Variants in TRAPPC9 observed in about 807,000 individuals in gnomAD.
The protein encoded by TRAPPC9 is trafficking protein particle complex subunit 9, also known as IKK2 binding protein.
TRAPPC9 carries 83 observed loss-of-function variants against 124.0 expected under a neutral mutation model. That is an observed-to-expected ratio of 0.67 (90% CI 0.56 to 0.80). The LOEUF (loss-of-function observed/expected upper bound fraction) is 0.80, where lower values mean the gene tolerates loss of function less well. TRAPPC9 is among the 30% of genes least tolerant of loss of function. The pLI, the probability that TRAPPC9 is intolerant of heterozygous loss-of-function variation, is 0.00. For synonymous variants in TRAPPC9, 638 were observed against 617.5 expected (o/e 1.03, Z -0.49); for missense variants, 1,302 against 1,508.3 (o/e 0.86, Z 2.27).
intron 21 of TRAPPC9, among the ~76,000 whole-genome samples, chr8:139,817,811 C>T (rs187923464): frequency 4.3e-4 from 65 of 152,310 alleles, no homozygotes; most frequent in African/African-American, 1.3e-3. Context: ...TAAAGACTTT[C>T]GGGAATACCT....
At chr8:140,255,851 A>G (rs61506815) in intron 15 of TRAPPC9, among the ~76,000 whole-genome samples, 17,923 of 152,124 alleles carry the variant, frequency 0.12, 1,868 homozygotes, top group African/African-American at 0.28. Context: ...GCGCCACTAC[A>G]CTCCAGCCTG....
At chr8:140,319,172 CTTT>C (rs35283714) in intron 9 of TRAPPC9, among the ~76,000 whole-genome samples, 2 of 118,520 alleles carry the variant, frequency 1.7e-5, no homozygotes. Flanking sequence ...TTATTTTGAA[CTTT>C]TTTTTTTTTT....
chr8:139,740,518 C>T (rs1378216147), intron 21 of TRAPPC9, among the ~76,000 whole-genome samples: 1 of 152,208 alleles, frequency 6.6e-6, no homozygotes, highest in Non-Finnish European at 1.5e-5. Flanking sequence ...GTGTGTCTCA[C>T]TCAGCGCCCA....
chr8:139,790,898 G>C (rs559170215), intron 21 of TRAPPC9, among the ~76,000 whole-genome samples: 1 of 152,202 alleles, frequency 6.6e-6, no homozygotes, highest in South Asian at 2.1e-4. Flanking sequence ...GTGATTTCTC[G>C]AGAGGTCTGA....
chr8:140,268,704 T>C (rs1272621725), intron 15 of TRAPPC9, among the ~76,000 whole-genome samples: 1 of 152,166 alleles, frequency 6.6e-6, no homozygotes, highest in Non-Finnish European at 1.5e-5. Context: ...TGGCCCTATG[T>C]GCCCTGCGCA....
At chr8:140,130,526 T>C (rs1385571988) in intron 17 of TRAPPC9, among the ~76,000 whole-genome samples, 1 of 152,160 alleles carries the variant, frequency 6.6e-6, no homozygotes, top group African/African-American at 2.4e-5. Flanking sequence ...TTGAAAAATA[T>C]CAAGGTCATG....
intron 17 of TRAPPC9, among the ~76,000 whole-genome samples, chr8:140,214,768 C>T (rs2131275742): frequency 6.6e-6 from 1 of 152,278 alleles, no homozygotes; most frequent in South Asian, 2.1e-4. Flanking sequence ...GAAAGACAGT[C>T]ATGAACGTGG....
intron 17 of TRAPPC9, among the ~76,000 whole-genome samples, chr8:140,190,974 A>G (rs901482901): frequency 2.0e-5 from 3 of 152,188 alleles, no homozygotes; most frequent in Non-Finnish European, 4.4e-5. Context: ...GTCCAGGACC[A>G]AAGTCACGTC....
intron 19 of TRAPPC9, among the ~76,000 whole-genome samples, chr8:139,987,479 C>A (rs1213269359): frequency 2.6e-5 from 4 of 152,096 alleles, no homozygotes; most frequent in Non-Finnish European, 5.9e-5. Flanking sequence ...CATTCCACCA[C>A]TGATTGATAA....
chr8:140,404,605 G>C (rs557195965), intron 6 of TRAPPC9, among the ~76,000 whole-genome samples: 1 of 152,338 alleles, frequency 6.6e-6, no homozygotes, highest in South Asian at 2.1e-4. Flanking sequence ...AGATACTGCT[G>C]AGTGGGTAAA....
intron 18 of TRAPPC9, among the ~76,000 whole-genome samples, chr8:140,007,594 GT>G (rs1838845219): frequency 6.6e-6 from 1 of 152,152 alleles, no homozygotes; most frequent in Admixed American, 6.5e-5. Flanking sequence ...CCAAACATAA[GT>G]TTGAAAAGAA....
intron 17 of TRAPPC9, among the ~76,000 whole-genome samples, chr8:140,111,477 C>A (rs939641233): frequency 6.6e-6 from 1 of 152,186 alleles, no homozygotes; most frequent in African/African-American, 2.4e-5. Context: ...GCACAGAGAA[C>A]AATGTACATC....
chr8:140,152,294 A>G (rs2061556257), intron 17 of TRAPPC9, among the ~76,000 whole-genome samples: 1 of 150,614 alleles, frequency 6.6e-6, no homozygotes, highest in Non-Finnish European at 1.5e-5. Flanking sequence ...TTTCTACCAA[A>G]AAATGAGCTT....
intron 21 of TRAPPC9, among the ~76,000 whole-genome samples, chr8:139,746,203 C>G (rs1818873994): frequency 6.6e-6 from 1 of 152,244 alleles, no homozygotes; most frequent in African/African-American, 2.4e-5. Context: ...GTTCCCTGCT[C>G]TCTCATGGAA....
chr8:139,905,108 T>G (rs1458121570), intron 20 of TRAPPC9, among the ~76,000 whole-genome samples: 1 of 152,150 alleles, frequency 6.6e-6, no homozygotes, highest in Non-Finnish European at 1.5e-5. Flanking sequence ...CCAGAAAGCA[T>G]CACTGTATAG....
At chr8:139,779,011 C>T (rs1821587310) in intron 21 of TRAPPC9, among the ~76,000 whole-genome samples, 1 of 151,938 alleles carries the variant, frequency 6.6e-6, no homozygotes, top group Non-Finnish European at 1.5e-5. Context: ...TTTAATTTGC[C>T]ATTAAAAGTA....
intron 21 of TRAPPC9, among the ~76,000 whole-genome samples, chr8:139,745,674 G>T (rs1818837857): frequency 2.0e-5 from 3 of 152,218 alleles, no homozygotes; most frequent in Admixed American, 2.0e-4. Flanking sequence ...TTGCTGCCCT[G>T]GCTGGAGCCT....
intron 21 of TRAPPC9, among the ~76,000 whole-genome samples, chr8:139,784,608 C>CATATATATATATATATAT (rs34583867): frequency 1.6e-3 from 138 of 88,636 alleles, no homozygotes; most frequent in South Asian, 3.6e-3. Flanking sequence ...AAAAGACTGA[C>CATATATATATATATATAT]ATATATATAT....
chr8:140,289,173 TA>T, intron 12 of TRAPPC9, among the ~76,000 whole-genome samples: 2 of 110,586 alleles, frequency 1.8e-5, no homozygotes, highest in African/African-American at 7.5e-5. Flanking sequence ...GATATATATA[TA>T]GTGTGTGTGT....
Sources: allele counts gnomAD v4.1 joint callset (sites outside exome capture counted in the v4.1 genomes callset), GRCh38; gene constraint gnomAD v4.1.1; transcripts MANE v1.5; gene names NCBI Gene and HGNC (gene_info 2026-07-23, HGNC 2026-07-21).